ATP10A: variants seen among roughly 807,000 people sequenced by gnomAD.
ATP10A encodes the protein phospholipid-transporting ATPase VA.
A neutral mutation model predicts 147.8 loss-of-function variants in ATP10A; 111 were observed. The ratio of observed to expected loss-of-function variants is 0.75; its 90% confidence interval spans 0.64 to 0.88. ATP10A has a LOEUF of 0.88. Ranked by LOEUF, ATP10A falls within the 40% of genes least tolerant of loss-of-function variation. The pLI is 0.00. For missense variants in ATP10A, 1,927 were observed against 1,959.0 expected (o/e 0.98, Z 0.31); for synonymous variants, 875 against 841.6 (o/e 1.04, Z -0.69).
chr15:25,763,468 C>A (rs186844995), intron 2 of ATP10A, among the ~76,000 whole-genome samples: 16 of 152,328 alleles, frequency 1.1e-4, no homozygotes, highest in Non-Finnish European at 1.9e-4. Context: ...ACTGGGCTCC[C>A]AGAAGGATGC....
chr15:25,821,627 G>A (rs12443058), intron 1 of ATP10A, among the ~76,000 whole-genome samples: 92,516 of 152,004 alleles, frequency 0.61, 31,034 homozygotes, highest in East Asian at 0.81. Context: ...ATCACTGGAA[G>A]AGTGCACAAA....
In ATP10A at chr15:25,687,813, C is replaced by T. The variant is rs755275441; in HGVS notation, c.3181G>A (p.Asp1061Asn). Residue 1061 changes from aspartate (D) to asparagine (N), a missense_variant, in exon 16 of 21, where the codon GAC (aspartate) becomes AAC (asparagine). By Grantham distance (23) the Asp-to-Asn change is conservative. Transcript: ENST00000555815. ...QEGMQAVMAS[D>N]FAVPKFRYLE... ...TATCGGAATTTCGGCACTGCAAAGT[C>T]GCTGGCCATCACTGCCTTCAAAGGG... 1.2e-6 allele frequency: 2 copies of T among 1,613,896 alleles called. No individual in the cohort carries two copies. The highest frequency in any genetic ancestry group is 1.1e-5 in the South Asian group (1 of 91,064).
intron 12 of ATP10A, among the ~76,000 whole-genome samples, chr15:25,705,290 T>A (rs34109593): frequency 0.26 from 39,585 of 151,376 alleles, 5,559 homozygotes; most frequent in Non-Finnish European, 0.32. Flanking sequence ...TAAAAATTTA[T>A]CTGGGCCTGG....
chr15:25,805,056 T>C lies in ATP10A; in HGVS notation c.450-23833A>G, dbSNP rs573296211. 1.6e-3 allele frequency among the ~76,000 whole-genome samples: 250 copies of C among 152,298 alleles called. 1 individual carries two copies. The South Asian group carries it at 0.021, about 13-fold the overall frequency. ...GCCAGAATGGGACCTGTGGCAGCCATGGTGAGCGGACGGGCCATCACACGG... is the reference window on the plus strand; with the variant it reads ...GCCAGAATGGGACCTGTGGCAGCCACGGTGAGCGGACGGGCCATCACACGG... On this transcript the variant is annotated intron_variant, in intron 1 of 20. Transcript: ENST00000555815.
chr15:25,686,824 T>G (rs1899725774), intron 16 of ATP10A, among the ~76,000 whole-genome samples: 1 of 107,786 alleles, frequency 9.3e-6, no homozygotes, highest in Admixed American at 8.9e-5. Flanking sequence ...CCTGCAGGGC[T>G]ATGGAGGAGC....
At chr15:25,797,907 G>A (rs1460030222) in intron 1 of ATP10A, among the ~76,000 whole-genome samples, 1 of 152,120 alleles carries the variant, frequency 6.6e-6, no homozygotes, top group Non-Finnish European at 1.5e-5. Flanking sequence ...ACATCTACAG[G>A]GATTAAACTG....
At chr15:25,727,463 G>T (rs1902650846) in intron 3 of ATP10A, among the ~76,000 whole-genome samples, 197 bp from the exon 4 acceptor site, 1 of 152,088 alleles carries the variant, frequency 6.6e-6, no homozygotes, top group South Asian at 2.1e-4. Flanking sequence ...AGACAGAACT[G>T]CTGTTCACCA....
chr15:25,738,849 A>C (rs1310202949), intron 2 of ATP10A, among the ~76,000 whole-genome samples: 1 of 152,182 alleles, frequency 6.6e-6, no homozygotes, highest in Non-Finnish European at 1.5e-5. Context: ...CCTGCTAGAA[A>C]GTCAGTTTTT....
intron 16 of ATP10A, 182 bp from the exon 17 acceptor site, chr15:25,683,668 C>T (rs2140287041): frequency 1.6e-6 from 1 of 616,102 alleles, no homozygotes; most frequent in Non-Finnish European, 2.8e-6. Flanking sequence ...CTCCCTCTTC[C>T]TCTTTCCCTT....
intron 1 of ATP10A, among the ~76,000 whole-genome samples, chr15:25,816,713 A>C (rs577711126): frequency 4.6e-5 from 7 of 152,220 alleles, no homozygotes; most frequent in Non-Finnish European, 1.0e-4. Flanking sequence ...AGAATTAACA[A>C]ATAAGAAGAA....
chr15:25,777,096 C>CGTGCGTGTGT (rs1555468163), intron 2 of ATP10A, among the ~76,000 whole-genome samples: 1 of 149,698 alleles, frequency 6.7e-6, no homozygotes, highest in African/African-American at 2.5e-5. Context: ...TGCATACGTG[C>CGTGCGTGTGT]GTGTGTGTGT....
rs560026694 is a variant in ATP10A, at chr15:25,709,467, G to C, written c.2345-1167C>G. 10 of 152,392 alleles carry C rather than the reference G, an allele frequency of 6.6e-5. No individual in the cohort carries two copies. The East Asian group carries it at 1.9e-3, about 29-fold the overall frequency. 9.4% of individuals were successfully genotyped at this position (152,392 alleles called of 1,614,324 possible). A position where few individuals can be genotyped will look rare whatever the true frequency, so the allele number is the denominator to read the frequency against. ...CTTGATAAAGCTGTCCCATTGTCCT[G>C]AGAGGTGACATGTGGCGTGCACTGG... is the stretch of plus-strand genomic sequence containing the variant. On this transcript the variant is annotated intron_variant, in intron 10 of 20. Transcript: ENST00000555815.
At position 25,736,160 on chromosome 15, in the gene ATP10A, G is replaced by T. The variant is rs373782487; in HGVS notation, c.655-19C>A. On this transcript the variant is annotated intron_variant, in intron 2 of 20. Transcript: ENST00000555815. ...CGGAGACCTAAAATAACAGCACGTA[G>T]ACATTAGAGAAATCCGGGCTCAGGC... The T allele has an allele frequency of 6.2e-6, 10 of 1,604,614 alleles. No individual in the cohort carries two copies. In the African/African-American group the frequency reaches 1.3e-4, roughly 21 times the overall value.
intron 10 of ATP10A, 24 bp downstream of exon 10, chr15:25,713,650 G>A (rs2291351): frequency 0.15 from 240,838 of 1,607,016 alleles, 19,047 homozygotes; most frequent in Admixed American, 0.25. Context: ...GAGCTGGGGT[G>A]CAGCTGGGCA....
In ATP10A at chr15:25,695,078, A is replaced by G; in HGVS notation, c.2829T>C (p.Pro943=). ...YVQSRGLQRA[P]EKTKGKVSMR... ...TGCTCACTTTGCCCTTGGTCTTCTCAGGGGCTCTCTGGAGGCCTCTGGACT... is the reference window on the plus strand; with the variant it reads ...TGCTCACTTTGCCCTTGGTCTTCTCGGGGGCTCTCTGGAGGCCTCTGGACT... The change falls in exon 14 of 21, where the codon CCT becomes CCC. Residue 943 remains proline, a synonymous_variant. Coordinates refer to ENST00000555815, the MANE Select transcript of ATP10A (RefSeq NM_024490.4). The G allele has an allele frequency of 5.0e-6, 8 of 1,614,138 alleles. No homozygotes were observed. The highest frequency in any genetic ancestry group is 5.9e-6 in the Non-Finnish European group (7 of 1,180,020).
At chr15:25,814,200 T>C (rs879288733) in intron 1 of ATP10A, among the ~76,000 whole-genome samples, 1 of 152,110 alleles carries the variant, frequency 6.6e-6, no homozygotes, top group Non-Finnish European at 1.5e-5. Context: ...AAATGTCCCA[T>C]TGGAAACAAT....
At chr15:25,781,326 C>A in intron 1 of ATP10A, 103 bp from the exon 2 acceptor site, 1 of 991,708 alleles carries the variant, frequency 1.0e-6, no homozygotes, top group African/African-American at 1.6e-5. Context: ...TCTACATTTG[C>A]ATAGGCTGAA....
At chr15:25,862,430 C>A in intron 1 of ATP10A, 1 of 661,314 alleles carries the variant, frequency 1.5e-6, no homozygotes, top group Non-Finnish European at 2.7e-6. Flanking sequence ...CGCGTCCCCG[C>A]ATCCAGGGCG....
chr15:25,823,949 A>G (rs1168685854), intron 1 of ATP10A, among the ~76,000 whole-genome samples: 1 of 152,174 alleles, frequency 6.6e-6, no homozygotes, highest in African/African-American at 2.4e-5. Flanking sequence ...GCACCTATGC[A>G]CCTCTGCAAC....
Sources: allele counts gnomAD v4.1 joint callset (sites outside exome capture counted in the v4.1 genomes callset), GRCh38; gene constraint gnomAD v4.1.1; transcripts MANE v1.5; gene names NCBI Gene and HGNC (gene_info 2026-07-23, HGNC 2026-07-21).